The following THSD7B variants were observed in gnomAD, a reference collection of about 807,000 sequenced individuals.
THSD7B encodes thrombospondin type 1 domain containing 7B.
THSD7B carries 138 observed loss-of-function variants against 213.6 expected under a neutral mutation model. That is an observed-to-expected ratio of 0.65 (90% CI 0.56 to 0.74). THSD7B has a LOEUF of 0.74. Among genes scored for constraint, THSD7B ranks in the 30% least tolerant of loss-of-function variants. The pLI, the probability that THSD7B is intolerant of heterozygous loss-of-function variation, is 0.00. For missense variants in THSD7B, 1,931 were observed against 1,991.5 expected (o/e 0.97, Z 0.58); for synonymous variants, 742 against 687.0 (o/e 1.08, Z -1.25).
At chr2:137,637,886 C>T (rs1171964034) in intron 20 of THSD7B, among the ~76,000 whole-genome samples, 1 of 152,048 alleles carries the variant, frequency 6.6e-6, no homozygotes, top group Non-Finnish European at 1.5e-5. Context: ...GATGGAACAG[C>T]CTGCAATTAT....
intron 25 of THSD7B, 51 bp downstream of exon 25, chr2:137,659,797 C>T (rs369370215): frequency 1.3e-6 from 2 of 1,516,084 alleles, no homozygotes; most frequent in Non-Finnish European, 8.9e-7. Flanking sequence ...CTGTGTTTTA[C>T]ACATGCAATC....
chr2:137,670,154 A>G (rs1350076650), intron 27 of THSD7B, among the ~76,000 whole-genome samples: 2 of 152,054 alleles, frequency 1.3e-5, no homozygotes, highest in Non-Finnish European at 2.9e-5. Context: ...TTGATCCCCA[A>G]TGTCTGCCTT....
At chr2:137,161,967 T>C (rs1008356313) in intron 6 of THSD7B, among the ~76,000 whole-genome samples, 7 of 152,214 alleles carry the variant, frequency 4.6e-5, no homozygotes, top group Non-Finnish European at 8.8e-5. Context: ...GACATCACTT[T>C]GCTGCATGAA....
intron 12 of THSD7B, among the ~76,000 whole-genome samples, chr2:137,281,105 CT>C (rs1682998182): frequency 6.6e-6 from 1 of 152,004 alleles, no homozygotes; most frequent in Non-Finnish European, 1.5e-5. Context: ...TATCTGTAGT[CT>C]TTTTTGGTTT....
At chr2:137,440,314 A>G (rs1235043955) in intron 14 of THSD7B, among the ~76,000 whole-genome samples, 1 of 152,066 alleles carries the variant, frequency 6.6e-6, no homozygotes, top group Non-Finnish European at 1.5e-5. Flanking sequence ...GGTAGCATAG[A>G]GTCTGGCTCC....
At chr2:137,559,388 A>G (rs1218480978) in intron 15 of THSD7B, among the ~76,000 whole-genome samples, 1 of 152,222 alleles carries the variant, frequency 6.6e-6, no homozygotes. Context: ...GGATCATAAC[A>G]GAGCCCTCAG....
intron 13 of THSD7B, 126 bp downstream of exon 13, chr2:137,405,933 A>G (rs1016158436): frequency 6.7e-6 from 5 of 747,784 alleles, no homozygotes; most frequent in Non-Finnish European, 1.1e-5. Context: ...ATTCGTTAAT[A>G]CATATCCTCA....
intron 4 of THSD7B, among the ~76,000 whole-genome samples, chr2:137,108,114 A>G (rs184462227): frequency 5.3e-5 from 8 of 152,322 alleles, no homozygotes; most frequent in Non-Finnish European, 1.0e-4. Flanking sequence ...TTGCAAATCT[A>G]TATGTGCTCA....
At chr2:136,983,968 A>T (rs984532424) in intron 2 of THSD7B, among the ~76,000 whole-genome samples, 1 of 152,246 alleles carries the variant, frequency 6.6e-6, no homozygotes, top group Admixed American at 6.5e-5. Flanking sequence ...GAAGTGTTTT[A>T]CAAGAAGCAA....
chr2:137,279,040 C>G (rs1682936185), intron 12 of THSD7B, among the ~76,000 whole-genome samples: 1 of 151,854 alleles, frequency 6.6e-6, no homozygotes, highest in South Asian at 2.1e-4. Flanking sequence ...AAAAAAACAG[C>G]AGTAGAAAAC....
At chr2:137,462,314 A>G (rs1306018337) in intron 15 of THSD7B, among the ~76,000 whole-genome samples, 1 of 152,088 alleles carries the variant, frequency 6.6e-6, no homozygotes, top group Admixed American at 6.6e-5. Flanking sequence ...TTCAAGTTAT[A>G]AAAGCTCACA....
intron 26 of THSD7B, among the ~76,000 whole-genome samples, chr2:137,665,164 AGATTTAAATTTGAAGGAAGCAT>A (rs1487618390): frequency 2.0e-5 from 3 of 152,258 alleles, no homozygotes; most frequent in African/African-American, 7.2e-5. Flanking sequence ...AATTAGAAGT[AGATTTAAATTTGAAGGAAGCAT>A]GATATTAAAT....
intron 2 of THSD7B, among the ~76,000 whole-genome samples, chr2:137,000,798 G>A (rs1685986040): frequency 6.6e-6 from 1 of 152,070 alleles, no homozygotes; most frequent in Non-Finnish European, 1.5e-5. Context: ...TAGCTACCAG[G>A]CATACCTTTG....
intron 7 of THSD7B, among the ~76,000 whole-genome samples, chr2:137,218,555 TC>T (rs1488823592): frequency 3.9e-5 from 6 of 152,088 alleles, no homozygotes; most frequent in Admixed American, 1.3e-4. Context: ...TCTTTAGAAT[TC>T]ATTCAGTTGC....
intron 5 of THSD7B, among the ~76,000 whole-genome samples, chr2:137,151,552 A>G (rs560813415): frequency 6.6e-6 from 1 of 151,906 alleles, no homozygotes; most frequent in Non-Finnish European, 1.5e-5. Context: ...CAACAAAAAG[A>G]CAATGCCTTC....
intron 17 of THSD7B, among the ~76,000 whole-genome samples, chr2:137,576,547 T>C (rs1324160621): frequency 6.6e-6 from 1 of 152,114 alleles, no homozygotes; most frequent in Non-Finnish European, 1.5e-5. Flanking sequence ...AAAGAAACTA[T>C]ATAGGGCTTA....
chr2:137,304,958 G>A (rs185804827), intron 12 of THSD7B, among the ~76,000 whole-genome samples: 1 of 152,212 alleles, frequency 6.6e-6, no homozygotes, highest in Admixed American at 6.5e-5. Context: ...TCTTCTTGAG[G>A]ATATACCCAT....
At chr2:137,089,785 G>A (rs1442817310) in intron 3 of THSD7B, among the ~76,000 whole-genome samples, 2 of 152,132 alleles carry the variant, frequency 1.3e-5, no homozygotes, top group African/African-American at 4.8e-5. Flanking sequence ...AAAGAGGGCA[G>A]ATCACCTGAG....
chr2:137,580,014 TATG>T (rs747623382), intron 17 of THSD7B, among the ~76,000 whole-genome samples: 35 of 152,286 alleles, frequency 2.3e-4, no homozygotes, highest in Non-Finnish European at 4.9e-4. Context: ...GTTTAGTTTT[TATG>T]ATACTAAGTT....
Sources: gnomAD v4.1 joint callset for allele counts (sites outside exome capture counted in the v4.1 genomes callset) on GRCh38, gnomAD v4.1.1 for gene constraint, MANE v1.5 for transcripts, NCBI Gene and HGNC (gene_info 2026-07-23, HGNC 2026-07-21) for gene names.